Variants in METTL14 observed in about 807,000 individuals in gnomAD.
METTL14 encodes methyltransferase 14, N6-adenosine-methyltransferase non-catalytic subunit, also known as N(6)-adenosine-methyltransferase non-catalytic subunit METTL14.
In METTL14, 32 loss-of-function variants were observed where a neutral mutation model predicts 62.4. That is an observed-to-expected ratio of 0.51 (90% CI 0.39 to 0.69). The LOEUF is 0.69. Among genes scored for constraint, METTL14 ranks in the 30% least tolerant of loss-of-function variants. The probability of loss-of-function intolerance (pLI) is 0.00; values close to 1 mark genes in which losing one functional copy is unlikely to be tolerated. For missense variants in METTL14, 340 were observed against 551.9 expected (o/e 0.62, Z 3.85); for synonymous variants, 150 against 180.0 (o/e 0.83, Z 1.34).
At chr4:118,687,746 A>G (rs1414914163) in intron 1 of METTL14, among the ~76,000 whole-genome samples, 177 bp from the exon 2 acceptor site, 1 of 152,110 alleles carries the variant, frequency 6.6e-6, no homozygotes, top group Non-Finnish European at 1.5e-5. Context: ...GTTTTTTTCC[A>G]GAGTTTTTCC....
chr4:118,689,371 G>A lies in METTL14; in HGVS notation c.157G>A (p.Ala53Thr), dbSNP rs776956467. 21 of 1,570,600 alleles carry A rather than the reference G, an allele frequency of 1.3e-5. No individual in the cohort carries two copies. The highest frequency in any genetic ancestry group is 1.9e-5 in the Admixed American group (1 of 53,590). Residue 53 changes from alanine (A) to threonine (T), a missense_variant and splice_region_variant, in exon 3 of 11, where the codon GCT becomes ACT. Transcript: ENST00000388822. Reference protein sequence around the residue: ...EIAETRETCRASYDTSAPNAK... With the variant: ...EIAETRETCRTSYDTSAPNAK... ...GTAATATTTCTGTTTATTTTTCAGG[G>A]CTTCCTATGATACCTCTGCTCCAAA...
chr4:118,691,353 AAAT>A (rs1476325115), intron 3 of METTL14, among the ~76,000 whole-genome samples, 176 bp from the exon 4 acceptor site: 9 of 152,164 alleles, frequency 5.9e-5, no homozygotes, highest in African/African-American at 2.2e-4. Context: ...TTTTTTATGA[AAAT>A]AATCAGCTAG....
rs563727152 is a variant in METTL14 at position 118,710,554 on chromosome 4, T to C, written c.*252T>C. 8.1e-5 allele frequency: 30 copies of C among 368,484 alleles called. No homozygotes were observed. Among genetic ancestry groups the C allele is most frequent in the African/African-American group, 4.3e-4 (21 of 48,376 alleles). 22.8% of individuals were successfully genotyped at this position (368,484 alleles called of 1,614,324 possible). ...ATGGAACAACTCAAGTAGCTTCATCTTCAGAGACTGAATTTATTCTGATAG... is the reference window on the plus strand; with the variant it reads ...ATGGAACAACTCAAGTAGCTTCATCCTCAGAGACTGAATTTATTCTGATAG... On this transcript the variant is annotated 3_prime_UTR_variant, in exon 11 of 11. Coordinates refer to ENST00000388822, the MANE Select transcript of METTL14 (RefSeq NM_020961.4).
chr4:118,692,226 CT>C (rs11387432), intron 5 of METTL14, among the ~76,000 whole-genome samples, 158 bp downstream of exon 5: 96 of 131,404 alleles, frequency 7.3e-4, no homozygotes, highest in Admixed American at 1.3e-3. Context: ...CTTTTCTTTT[CT>C]TTTTTTTTTT....
intron 1 of METTL14, among the ~76,000 whole-genome samples, chr4:118,686,937 G>A (rs1240744277): frequency 6.6e-6 from 1 of 152,160 alleles, no homozygotes; most frequent in African/African-American, 2.4e-5. Context: ...TTTCCAAACT[G>A]CCAAACAAAA....
intron 8 of METTL14, 55 bp from the exon 9 acceptor site, chr4:118,703,880 G>A: frequency 1.0e-6 from 1 of 994,986 alleles, no homozygotes; most frequent in Non-Finnish European, 1.5e-6. Flanking sequence ...TTATTGTTAA[G>A]TATTGTTTAT....
chr4:118,704,647 G>A (rs1317992299), intron 9 of METTL14, among the ~76,000 whole-genome samples: 1 of 152,092 alleles, frequency 6.6e-6, no homozygotes, highest in Non-Finnish European at 1.5e-5. Context: ...GGAGTTTCTG[G>A]GACGGTGGTC....
rs114085922 is a variant in METTL14 at position 118,692,901 on chromosome 4, C to T, written c.412+833C>T. Reference sequence around the variant, plus strand: ...TTTCTATACGTTTGCCTATTTTGGACATTTCTTGTAAATGAAATTATACAA... The same window carrying T: ...TTTCTATACGTTTGCCTATTTTGGATATTTCTTGTAAATGAAATTATACAA... On this transcript the variant is annotated intron_variant, in intron 5 of 10. Coordinates refer to ENST00000388822, the MANE Select transcript of METTL14 (RefSeq NM_020961.4). 7.2e-4 allele frequency among the ~76,000 whole-genome samples: 110 copies of T among 152,204 alleles called. 1 individual carries two copies. The highest frequency in any genetic ancestry group is 1.0e-3 in the Non-Finnish European group (71 of 68,008).
Position 118,705,776 on chromosome 4 carries a change from A to G in METTL14, c.1021A>G (p.Arg341Gly). The G allele has an allele frequency of 1.9e-6, 3 of 1,614,136 alleles. No homozygotes were observed. The highest frequency in any genetic ancestry group is 2.5e-6 in the Non-Finnish European group (3 of 1,179,978). ...FHIIEHFCLG[R>G]RRLHLFGRDS... ...TATAATTGAGCATTTTTGTCTTGGT[A>G]GAAGACGCCTTCATCTATTTGGAAG... The change falls in exon 10 of 11, where the codon AGA becomes GGA. Residue 341 changes from arginine to glycine, a missense_variant. Arg to Gly is a moderately radical substitution (Grantham distance 125, BLOSUM62 -2). This residue lies in a region of METTL14 where 62 missense variants were observed against 82.3 expected (regional missense o/e 0.75). Coordinates refer to ENST00000388822, the MANE Select transcript of METTL14 (RefSeq NM_020961.4).
chr4:118,710,036 T>C lies in METTL14; in HGVS notation c.1105T>C (p.Tyr369His), dbSNP rs749873440. ...TGGACCAACGCTTACAAATAGCAAC[T>C]ACAATGCAGAAACATATGCATCCTA... ...TVGPTLTNSN[Y>H]NAETYASYFS... Residue 369 changes from tyrosine (Y) to histidine (H), a missense_variant, in exon 11 of 11, where the codon TAC (tyrosine) becomes CAC (histidine). By Grantham distance (83) the Tyr-to-His change is moderately conservative (BLOSUM62 2). Around this residue, in one of 7 missense-constraint regions of METTL14, gnomAD observed 62 missense variants for 82.3 expected, o/e 0.75. Coordinates refer to ENST00000388822, the MANE Select transcript of METTL14 (RefSeq NM_020961.4). 8 of 1,613,870 alleles carry C rather than the reference T, an allele frequency of 5.0e-6. No individual in the cohort carries two copies. Among genetic ancestry groups the C allele is most frequent in the Non-Finnish European group, 5.9e-6 (7 of 1,179,924 alleles).
chr4:118,689,540 T>C (rs1724181032), intron 3 of METTL14, 83 bp downstream of exon 3: 2 of 715,758 alleles, frequency 2.8e-6, no homozygotes, highest in East Asian at 2.9e-5. Flanking sequence ...ACAAATTTGA[T>C]GGAAAGCCTA....
chr4:118,700,852 C>T (rs1273989789), intron 8 of METTL14, among the ~76,000 whole-genome samples: 1 of 152,106 alleles, frequency 6.6e-6, no homozygotes, highest in Non-Finnish European at 1.5e-5. Flanking sequence ...GAATGTGTAG[C>T]TCTTTCAAAA....
chr4:118,700,709 TAGGATGTTTGAAAGTGGATGTTA>T, intron 8 of METTL14, 67 bp downstream of exon 8: 1 of 1,118,362 alleles, frequency 8.9e-7, no homozygotes, highest in Non-Finnish European at 1.3e-6. Context: ...GTATGTTGCA[TAGGATGTTTGAAAGTGGATGTTA>T]TTTTGTCCTT....
rs17050450 is a variant in METTL14, at chr4:118,685,422, C to A, written c.-113C>A. ...TCTACTGAGGAAAGCTATGAGGATA[C>A]TCTGTTCGTAAGCTCCCGGTGAATT... On this transcript the variant is annotated 5_prime_UTR_variant, in exon 1 of 11. Coordinates refer to ENST00000388822, the MANE Select transcript of METTL14 (RefSeq NM_020961.4). 3.7e-6 allele frequency: 4 copies of A among 1,075,368 alleles called. No homozygotes were observed. The African/African-American group carries it at 4.6e-5, about 12-fold the overall frequency. The allele number at this position is 1,075,368 out of a possible 1,614,324, so 66.6% of individuals were successfully genotyped here.
chr4:118,707,532 T>TG (rs1476422954), intron 10 of METTL14, among the ~76,000 whole-genome samples: 1 of 151,374 alleles, frequency 6.6e-6, no homozygotes, highest in African/African-American at 2.4e-5. Context: ...GGTGTGGTGG[T>TG]GTGTGCCTGT....
intron 8 of METTL14, among the ~76,000 whole-genome samples, 160 bp downstream of exon 8, chr4:118,700,802 AAAGGCAATACTTGT>A (rs1724566053): frequency 6.6e-6 from 1 of 152,222 alleles, no homozygotes; most frequent in African/African-American, 2.4e-5. Context: ...AGAACGTAAG[AAAGGCAATACTTGT>A]AAGTTAGTTT....
rs1462631127 is a variant in METTL14 at position 118,711,079 on chromosome 4, TAAAAG to T, written c.*779_*783del. The T allele has an allele frequency of 6.6e-6, 1 of 152,112 alleles. No individual in the cohort carries two copies. Among genetic ancestry groups the T allele is most frequent in the Non-Finnish European group, 1.5e-5 (1 of 68,012 alleles). 9.4% of individuals were successfully genotyped at this position (152,112 alleles called of 1,614,324 possible). On this transcript the variant is annotated 3_prime_UTR_variant, in exon 11 of 11. Coordinates refer to ENST00000388822, the MANE Select transcript of METTL14 (RefSeq NM_020961.4). The stretch of plus-strand genomic sequence containing the variant: ...GACCTTAAATTTTATATTCCTCAAA[TAAAAG>T]AGAGGCAGCGACAAGATACCTCATT...
chr4:118,694,783 T>C (rs1054606914), intron 6 of METTL14, among the ~76,000 whole-genome samples: 3 of 152,062 alleles, frequency 2.0e-5, no homozygotes, highest in Non-Finnish European at 4.4e-5. Flanking sequence ...CACTCCTGGC[T>C]CTATTTTTCT....
In METTL14 at chr4:118,710,450, C is replaced by T. The variant is rs1724886618; in HGVS notation, c.*148C>T. On this transcript the variant is annotated 3_prime_UTR_variant, in exon 11 of 11. Coordinates refer to ENST00000388822, the MANE Select transcript of METTL14 (RefSeq NM_020961.4). The stretch of plus-strand genomic sequence containing the variant: ...TGCAAGAATGTCTTAGCGAGCCTTG[C>T]TTGCAGTTGTCACACACACTGTCTG... 2.6e-6 allele frequency: 2 copies of T among 762,084 alleles called. No homozygotes were observed. Among genetic ancestry groups the T allele is most frequent in the Non-Finnish European group, 4.1e-6 (2 of 484,560 alleles). The allele number at this position is 762,084 out of a possible 1,614,324, so 47.2% of individuals were successfully genotyped here. A position where few individuals can be genotyped will look rare whatever the true frequency, so the allele number is the denominator to read the frequency against.
Sources: gnomAD v4.1 joint callset for allele counts (sites outside exome capture counted in the v4.1 genomes callset) on GRCh38, gnomAD v4.1.1 for gene constraint, gnomAD v4.1.1 regional missense constraint, MANE v1.5 for transcripts, NCBI Gene and HGNC (gene_info 2026-07-23, HGNC 2026-07-21) for gene names.